Variants in MTHFD1L observed in about 807,000 individuals in gnomAD.
MTHFD1L encodes the protein methylenetetrahydrofolate dehydrogenase (NADP+ dependent) 1 like.
In MTHFD1L, 81 loss-of-function variants were observed where a neutral mutation model predicts 119.5. The ratio of observed to expected loss-of-function variants is 0.68; its 90% CI spans 0.57 to 0.82. The LOEUF (loss-of-function observed/expected upper bound fraction) is 0.82. Among genes scored for constraint, MTHFD1L ranks in the 40% least tolerant of loss-of-function variants. The probability of loss-of-function intolerance (pLI) is 0.00; values close to 1 mark genes in which losing one functional copy is unlikely to be tolerated. For missense variants in MTHFD1L, 1,125 were observed against 1,253.4 expected, an observed-to-expected ratio of 0.90 and a Z score of 1.55; for synonymous variants, 430 against 475.2, an observed-to-expected ratio of 0.90 and a Z score of 1.24.
chr6:150,888,449 A>G (rs1168466987), intron 7 of MTHFD1L, among the ~76,000 whole-genome samples: 4 of 152,368 alleles, frequency 2.6e-5, no homozygotes, highest in East Asian at 1.9e-4. Context: ...AATTCACCAC[A>G]TTGTGATTAA....
intron 27 of MTHFD1L, among the ~76,000 whole-genome samples, chr6:151,098,946 C>T (rs1319328106): frequency 1.3e-5 from 2 of 152,050 alleles, no homozygotes; most frequent in East Asian, 3.9e-4. Flanking sequence ...GAGGCCGAGG[C>T]AGGCGGATCA....
At position 150,885,627 on chromosome 6, in the gene MTHFD1L, G is replaced by A. The variant is rs377728033; in HGVS notation, c.543-7G>A. 100 of 1,611,226 alleles carry A rather than the reference G, an allele frequency of 6.2e-5. No homozygotes were observed. The highest frequency in any genetic ancestry group is 1.8e-5 in the Non-Finnish European group (21 of 1,178,098). On this transcript the variant is annotated splice_polypyrimidine_tract_variant and splice_region_variant and intron_variant, in intron 5 of 27. Coordinates refer to ENST00000367321, the MANE Select transcript of MTHFD1L (RefSeq NM_015440.5). The stretch of plus-strand genomic sequence containing the variant: ...GACTTAACCTACTTCTTTATTTTCT[G>A]ATTCAGAGTAACAGACATAAACCTG...
chr6:151,044,607 A>G (rs546244829), intron 26 of MTHFD1L, among the ~76,000 whole-genome samples: 1 of 152,020 alleles, frequency 6.6e-6, no homozygotes, highest in African/African-American at 2.4e-5. Flanking sequence ...GGCCAACTAC[A>G]TGCTTTTTTC....
intron 26 of MTHFD1L, among the ~76,000 whole-genome samples, chr6:151,057,946 T>C (rs1029873876): frequency 2.0e-5 from 3 of 151,974 alleles, no homozygotes; most frequent in Admixed American, 2.0e-4. Flanking sequence ...GCCCAGCTAA[T>C]TTTTGTATTT....
At chr6:150,992,991 G>C (rs891821878) in intron 20 of MTHFD1L, among the ~76,000 whole-genome samples, 1 of 152,162 alleles carries the variant, frequency 6.6e-6, no homozygotes, top group East Asian at 1.9e-4. Flanking sequence ...GTTTTAATGA[G>C]GTTTTAAATT....
At chr6:151,084,518 A>G (rs1793534085) in intron 26 of MTHFD1L, among the ~76,000 whole-genome samples, 2 of 152,126 alleles carry the variant, frequency 1.3e-5, no homozygotes, top group Admixed American at 6.6e-5. Flanking sequence ...GCCCCAAGCG[A>G]TCCTCCCACC....
rs1309965480 is a variant in MTHFD1L, at chr6:151,085,003, ATGTATATATT to A, written c.2848-7462_2848-7453del. On this transcript the variant is annotated intron_variant, in intron 26 of 27. Transcript: ENST00000367321. ...AAAAAAAATATATATATATATATATATGTATATATTTATATATGTATATACACACACACAC... is the reference window on the plus strand; with the variant it reads ...AAAAAAAATATATATATATATATATATATATATGTATATACACACACACAC... Among the ~76,000 whole-genome samples the A allele has an allele frequency of 2.8e-3, 387 of 139,170 alleles. 3 individuals are homozygous for A. Among genetic ancestry groups the A allele is most frequent in the African/African-American group, 9.8e-3 (350 of 35,830 alleles). The allele number at this position is 139,170 out of a possible 152,430, so 91.3% of individuals were successfully genotyped here.
intron 11 of MTHFD1L, among the ~76,000 whole-genome samples, chr6:150,929,669 C>T (rs1397873711): frequency 6.6e-6 from 1 of 152,210 alleles, no homozygotes; most frequent in African/African-American, 2.4e-5. Flanking sequence ...CATTTCTCCA[C>T]GCTGGCTTTT....
At chr6:151,002,184 G>A (rs559764427) in intron 20 of MTHFD1L, among the ~76,000 whole-genome samples, 121 of 152,334 alleles carry the variant, frequency 7.9e-4, no homozygotes, top group Non-Finnish European at 1.5e-3. Flanking sequence ...TCAGTTGATT[G>A]TTTGATGAGG....
chr6:150,866,179 G>A (rs568785331), intron 1 of MTHFD1L, 130 bp downstream of exon 1: 511 of 1,365,926 alleles, frequency 3.7e-4, no homozygotes, highest in Middle Eastern at 1.3e-3. Flanking sequence ...TCATTAGGGG[G>A]GCCGGGCGGT....
rs1229085674 is a variant in MTHFD1L at position 150,926,150 on chromosome 6, C to G, written c.1111C>G (p.Pro371Ala). ...CATTGAGATTTCAAGAGGACAAACT[C>G]CAAAAGCTGTGGATGTCCTTGCCAA... ...SDIEISRGQT[P>A]KAVDVLAKEI... Residue 371 changes from proline to alanine, a missense_variant, in exon 11 of 28, where the codon CCA (proline) becomes GCA (alanine). Coordinates refer to ENST00000367321, the MANE Select transcript of MTHFD1L (RefSeq NM_015440.5). The surrounding 1 kb of genome is among the most constrained non-coding windows in gnomAD (Gnocchi z 4.3). 1.2e-6 allele frequency: 2 copies of G among 1,613,840 alleles called. No homozygotes were observed. The highest frequency in any genetic ancestry group is 1.7e-6 in the Non-Finnish European group (2 of 1,179,844).
chr6:150,916,424 C>T lies in MTHFD1L; in HGVS notation c.893-2153C>T, dbSNP rs528185435. Reference sequence around the variant, plus strand: ...TCAAGCGATTCTCTGCTTCAGCCTCCCTAGTAGCTGGGATCACAGGTGTGC... The same window carrying T: ...TCAAGCGATTCTCTGCTTCAGCCTCTCTAGTAGCTGGGATCACAGGTGTGC... On this transcript the variant is annotated intron_variant, in intron 8 of 27. Coordinates refer to ENST00000367321, the MANE Select transcript of MTHFD1L (RefSeq NM_015440.5). 2.1e-5 allele frequency among the ~76,000 whole-genome samples: 3 copies of T among 144,036 alleles called. No homozygotes were observed. In the South Asian group the frequency reaches 6.7e-4, roughly 32 times the overall value. 94.5% of individuals were successfully genotyped at this position (144,036 alleles called of 152,430 possible).
At chr6:150,921,460 C>T (rs981543277) in intron 9 of MTHFD1L, among the ~76,000 whole-genome samples, 6 of 152,134 alleles carry the variant, frequency 3.9e-5, no homozygotes, top group Non-Finnish European at 7.3e-5. Context: ...CCATGTTGCC[C>T]AGGCTGGTCT....
chr6:151,060,680 T>A (rs1790507967), intron 26 of MTHFD1L, among the ~76,000 whole-genome samples: 1 of 152,116 alleles, frequency 6.6e-6, no homozygotes, highest in Non-Finnish European at 1.5e-5. Flanking sequence ...GGAGAGAACA[T>A]TGCTGTAAGC....
chr6:151,051,848 C>T (rs998032243), intron 26 of MTHFD1L, among the ~76,000 whole-genome samples: 1 of 152,186 alleles, frequency 6.6e-6, no homozygotes, highest in Non-Finnish European at 1.5e-5. Context: ...GAAACTGGGG[C>T]ATTTGAGACA....
At chr6:150,950,440 G>T (rs1794681608) in intron 16 of MTHFD1L, among the ~76,000 whole-genome samples, 1 of 152,220 alleles carries the variant, frequency 6.6e-6, no homozygotes, top group Non-Finnish European at 1.5e-5. Flanking sequence ...CAAACCATGA[G>T]GTAGAGAGAC....
intron 1 of MTHFD1L, among the ~76,000 whole-genome samples, chr6:150,875,779 A>T (rs1256235047): frequency 6.6e-6 from 1 of 152,204 alleles, no homozygotes; most frequent in East Asian, 1.9e-4. Context: ...TTAAAGTAGA[A>T]ACCCAAAGCT....
intron 15 of MTHFD1L, among the ~76,000 whole-genome samples, chr6:150,948,222 GTC>G (rs2062410366): frequency 1.3e-5 from 2 of 151,928 alleles, no homozygotes; most frequent in Non-Finnish European, 1.5e-5. Flanking sequence ...GGTCAGGCTG[GTC>G]TCGAACTCCT....
chr6:150,903,806 G>A (rs1785456009), intron 7 of MTHFD1L, among the ~76,000 whole-genome samples: 1 of 152,232 alleles, frequency 6.6e-6, no homozygotes, highest in Non-Finnish European at 1.5e-5. Context: ...ACAGCCAGAA[G>A]CTGAAAAGCA....
Sources: allele counts gnomAD v4.1 joint callset (sites outside exome capture counted in the v4.1 genomes callset), GRCh38; gene constraint gnomAD v4.1.1; non-coding constraint Gnocchi (gnomAD v3.1); transcripts MANE v1.5; gene names NCBI Gene and HGNC (gene_info 2026-07-23, HGNC 2026-07-21).